The following BLK variants were observed in gnomAD, a reference collection of about 807,000 sequenced individuals.
BLK encodes the protein BLK proto-oncogene, Src family tyrosine kinase.
In BLK, 64 loss-of-function variants were observed where a neutral mutation model predicts 61.8. The observed-to-expected ratio is 1.03, with a 90% CI of 0.85 to 1.27. The LOEUF is 1.27. Among genes scored for constraint, BLK ranks in the 50% most tolerant of loss-of-function variants. The probability of loss-of-function intolerance (pLI) is 0.00; values close to 1 mark genes in which losing one functional copy is unlikely to be tolerated. For synonymous variants in BLK, 351 were observed against 272.0 expected (o/e 1.29, Z -2.86); for missense variants, 853 against 660.5 (o/e 1.29, Z -3.19).
intron 1 of BLK, among the ~76,000 whole-genome samples, chr8:11,519,782 G>T (rs1799368834): frequency 1.3e-5 from 2 of 152,294 alleles, no homozygotes; most frequent in South Asian, 4.1e-4. Flanking sequence ...TGAATCCAGA[G>T]CCTCTCACTC....
At chr8:11,503,450 C>T (rs983222009) in intron 1 of BLK, among the ~76,000 whole-genome samples, 31 of 152,290 alleles carry the variant, frequency 2.0e-4, no homozygotes, top group African/African-American at 7.5e-4. Flanking sequence ...GGGAGAGGTG[C>T]AGCTTTGTCA....
intron 1 of BLK, chr8:11,509,590 G>A (rs1443082310): frequency 1.3e-5 from 2 of 152,126 alleles, no homozygotes; most frequent in Non-Finnish European, 2.9e-5. Flanking sequence ...GCCTGGGGGT[G>A]CTCTGCCGGG....
rs1284712767 is a variant in BLK at position 11,549,079 on chromosome 8, C to A, written c.325C>A (p.Pro109Thr). 6.2e-7 allele frequency: 1 copy of A among 1,611,836 alleles called. No individual in the cohort carries two copies. Among genetic ancestry groups the A allele is most frequent in the Non-Finnish European group, 8.5e-7 (1 of 1,179,218 alleles). Reference sequence around the variant, plus strand: ...CGTCACAGGAAGAGAAGGCTATGTGCCCAGTAACTTTGTGGCCCGAGTGGA... The same window carrying A: ...CGTCACAGGAAGAGAAGGCTATGTGACCAGTAACTTTGTGGCCCGAGTGGA... ...SLVTGREGYV[P>T]SNFVARVESL... The change falls in exon 5 of 13, where the codon CCC becomes ACC. Residue 109 changes from proline (P) to threonine (T), a missense_variant. Coordinates refer to ENST00000259089, the MANE Select transcript of BLK (RefSeq NM_001715.3).
chr8:11,523,113 T>C (rs192046035), intron 1 of BLK, among the ~76,000 whole-genome samples: 5 of 152,340 alleles, frequency 3.3e-5, no homozygotes, highest in Admixed American at 3.3e-4. Flanking sequence ...TCTTAAATAG[T>C]TGTATATTTC....
intron 1 of BLK, among the ~76,000 whole-genome samples, chr8:11,536,782 C>G (rs1206746653): frequency 6.6e-6 from 1 of 152,208 alleles, no homozygotes; most frequent in Non-Finnish European, 1.5e-5. Flanking sequence ...TTGTAGCCAT[C>G]CTTCTCAGGT....
intron 1 of BLK, among the ~76,000 whole-genome samples, chr8:11,521,465 A>G (rs1799443487): frequency 6.6e-6 from 1 of 152,000 alleles, no homozygotes; most frequent in African/African-American, 2.4e-5. Context: ...TAATTCTTCT[A>G]ATTTTTGTAG....
chr8:11,540,793 C>A (rs764995012), intron 1 of BLK, among the ~76,000 whole-genome samples: 1 of 151,254 alleles, frequency 6.6e-6, no homozygotes, highest in Non-Finnish European at 1.5e-5. Context: ...GGCTTCACAA[C>A]TGAGTTCTAT....
chr8:11,510,971 A>G lies in BLK; in HGVS notation c.-2+16380A>G, dbSNP rs542230485. Among the ~76,000 whole-genome samples, 20 of 152,322 alleles carry G rather than the reference A, an allele frequency of 1.3e-4. 1 individual carries two copies. In the South Asian group the frequency reaches 4.1e-3, roughly 32 times the overall value. On this transcript the variant is annotated intron_variant, in intron 1 of 12. Coordinates refer to ENST00000259089, the MANE Select transcript of BLK (RefSeq NM_001715.3). ...AGGAAATGCTTTGGCATTTTAAAAC[A>G]CATGGATCCCCGTAAGCTTTGCATT...
In BLK at chr8:11,515,152, A is replaced by G. The variant is rs139561665; in HGVS notation, c.-2+20561A>G. 8.3e-3 allele frequency among the ~76,000 whole-genome samples: 1,269 copies of G among 152,198 alleles called. 9 individuals carry two copies. The highest frequency in any genetic ancestry group is 0.028 in the African/African-American group (1,177 of 41,514). ...CTGTTTTGCTGGTTGGTGCCAGGAGATGGAAGCTCTCGAGTGGGGTGTGCT... is the reference window on the plus strand; with the variant it reads ...CTGTTTTGCTGGTTGGTGCCAGGAGGTGGAAGCTCTCGAGTGGGGTGTGCT... On this transcript the variant is annotated intron_variant, in intron 1 of 12. Transcript: ENST00000259089.
intron 1 of BLK, among the ~76,000 whole-genome samples, chr8:11,511,176 A>G (rs1798990085): frequency 6.6e-6 from 1 of 152,200 alleles, no homozygotes; most frequent in African/African-American, 2.4e-5. Context: ...GTTCCACCCA[A>G]CGGAGTGGGA....
chr8:11,538,745 G>T (rs563671572), intron 1 of BLK, among the ~76,000 whole-genome samples: 25 of 152,248 alleles, frequency 1.6e-4, no homozygotes, highest in African/African-American at 6.0e-4. Context: ...CTGGCCCTTC[G>T]TTGAGTCAGG....
intron 7 of BLK, 110 bp from the exon 8 acceptor site, chr8:11,555,222 G>T: frequency 7.0e-7 from 1 of 1,423,432 alleles, no homozygotes; most frequent in South Asian, 1.2e-5. Context: ...CACCCATGCA[G>T]GGGGTGGGGT....
chr8:11,549,269 G>A (rs1426106059), intron 5 of BLK, 147 bp downstream of exon 5: 2 of 760,306 alleles, frequency 2.6e-6, no homozygotes, highest in East Asian at 2.7e-5. Context: ...GCTCTGCTGG[G>A]AAAGGCCTCT....
At chr8:11,495,247 T>C (rs1396004667) in intron 1 of BLK, among the ~76,000 whole-genome samples, 1 of 152,214 alleles carries the variant, frequency 6.6e-6, no homozygotes, top group Non-Finnish European at 1.5e-5. Context: ...TATCTGGTAA[T>C]GCGGGTGGAT....
At chr8:11,536,594 G>T (rs1159426139) in intron 1 of BLK, among the ~76,000 whole-genome samples, 2 of 152,208 alleles carry the variant, frequency 1.3e-5, no homozygotes, top group Admixed American at 1.3e-4. Flanking sequence ...TTGTGGTAGA[G>T]ACGGGGTTTC....
chr8:11,513,115 C>T lies in BLK; in HGVS notation c.-2+18524C>T, dbSNP rs187285425. The stretch of plus-strand genomic sequence containing the variant: ...TTACTTTTCTTGTTTTATCCTCCTA[C>T]GAGATCCCTACTGTCCATGCCCACG... On this transcript the variant is annotated intron_variant, in intron 1 of 12. Coordinates refer to ENST00000259089, the MANE Select transcript of BLK (RefSeq NM_001715.3). Among the ~76,000 whole-genome samples the T allele has an allele frequency of 1.7e-4, 26 of 152,248 alleles. No homozygotes were observed. The East Asian group carries it at 3.1e-3, about 18-fold the overall frequency.
At chr8:11,537,304 A>C (rs1219521077) in intron 1 of BLK, among the ~76,000 whole-genome samples, 1 of 152,170 alleles carries the variant, frequency 6.6e-6, no homozygotes, top group African/African-American at 2.4e-5. Flanking sequence ...GAGATGCTCC[A>C]TATGGGATCT....
intron 10 of BLK, among the ~76,000 whole-genome samples, chr8:11,559,156 G>C (rs1239643116): frequency 6.6e-6 from 1 of 152,172 alleles, no homozygotes; most frequent in Non-Finnish European, 1.5e-5. Flanking sequence ...GGCAAAGGAT[G>C]TGAAAAGCCA....
chr8:11,510,768 C>T (rs1051049544), intron 1 of BLK, among the ~76,000 whole-genome samples: 2 of 146,550 alleles, frequency 1.4e-5, no homozygotes, highest in African/African-American at 2.5e-5. Context: ...GACAGAGACT[C>T]CATCTCAAAT....
Sources: gnomAD v4.1 joint callset for allele counts (sites outside exome capture counted in the v4.1 genomes callset) on GRCh38, gnomAD v4.1.1 for gene constraint, MANE v1.5 for transcripts, NCBI Gene and HGNC (gene_info 2026-07-23, HGNC 2026-07-21) for gene names.